TTC3: variants seen among roughly 807,000 people sequenced by gnomAD.
The protein encoded by TTC3 is tetratricopeptide repeat domain 3, also known as E3 ubiquitin-protein ligase TTC3.
In TTC3, 180 loss-of-function variants were observed where a neutral mutation model predicts 249.6. That is an observed-to-expected ratio of 0.72 (90% CI 0.64 to 0.82). The LOEUF (loss-of-function observed/expected upper bound fraction) is 0.82. Among genes scored for constraint, TTC3 ranks in the 40% least tolerant of loss-of-function variants. The pLI is 0.00. For missense variants in TTC3, 2,061 were observed against 2,398.4 expected, an observed-to-expected ratio of 0.86 and a Z score of 2.94; for synonymous variants, 717 against 805.0, an observed-to-expected ratio of 0.89 and a Z score of 1.85.
At chr21:37,108,270 TAATTAA>T in intron 10 of TTC3, 116 bp from the exon 11 acceptor site, 2 of 734,146 alleles carry the variant, frequency 2.7e-6, no homozygotes, top group Non-Finnish European at 4.1e-6. Flanking sequence ...GGATTTTTTT[TAATTAA>T]AATTATCTTT....
chr21:37,140,919 A>G (rs2078384465), intron 20 of TTC3, among the ~76,000 whole-genome samples: 1 of 152,258 alleles, frequency 6.6e-6, no homozygotes. Flanking sequence ...ATTTGACATT[A>G]AAGATTTAAT....
At chr21:37,161,688 A>G (rs146978613) in intron 30 of TTC3, among the ~76,000 whole-genome samples, 7 of 152,354 alleles carry the variant, frequency 4.6e-5, no homozygotes, top group African/African-American at 1.4e-4. Context: ...AGGAGTTCCA[A>G]TACAACTTTT....
At chr21:37,172,476 T>G in intron 34 of TTC3, 119 bp from the exon 35 acceptor site, 1 of 1,148,576 alleles carries the variant, frequency 8.7e-7, no homozygotes, top group Non-Finnish European at 1.2e-6. Context: ...GACATTTCCC[T>G]TGTAAATTTT....
exon 28 of TTC3, chr21:37,156,762 G>A (rs2080130773): frequency 6.2e-7 from 1 of 1,614,022 alleles, no homozygotes; most frequent in Non-Finnish European, 8.5e-7. Flanking sequence ...TCACAAACTA[G>A]ACTCTATAGA....
At chr21:37,088,647 G>C in intron 4 of TTC3, 152 bp from the exon 5 acceptor site, 1 of 738,778 alleles carries the variant, frequency 1.4e-6, no homozygotes, top group African/African-American at 1.8e-5. Flanking sequence ...ACAGTATTTT[G>C]TTCATTTAAT....
chr21:37,147,722 T>C, intron 22 of TTC3, 119 bp downstream of exon 22: 1 of 1,224,516 alleles, frequency 8.2e-7, no homozygotes, highest in East Asian at 2.8e-5. Flanking sequence ...CGTCCACCCC[T>C]TTCCCAGGAT....
intron 35 of TTC3, among the ~76,000 whole-genome samples, chr21:37,178,950 T>G (rs2082503745): frequency 6.6e-6 from 1 of 150,776 alleles, no homozygotes; most frequent in African/African-American, 2.4e-5. Flanking sequence ...AACAACAGAG[T>G]GAGACCCTGT....
intron 11 of TTC3, among the ~76,000 whole-genome samples, chr21:37,111,221 A>G (rs2075629639): frequency 2.0e-5 from 3 of 152,236 alleles, no homozygotes; most frequent in Admixed American, 1.3e-4. Context: ...CCTTAAATGT[A>G]AACGGGCTAA....
At chr21:37,184,713 C>T (rs1458953255) in intron 36 of TTC3, among the ~76,000 whole-genome samples, 2 of 150,720 alleles carry the variant, frequency 1.3e-5, no homozygotes, top group African/African-American at 4.9e-5. Context: ...AGATGATCCA[C>T]CCATCTCGGC....
At chr21:37,178,529 T>G (rs1463145936) in intron 35 of TTC3, among the ~76,000 whole-genome samples, 1 of 152,224 alleles carries the variant, frequency 6.6e-6, no homozygotes, top group African/African-American at 2.4e-5. Flanking sequence ...GGTTTTGATT[T>G]TTATTTCCCT....
chr21:37,088,667 A>G (rs1198821703), intron 4 of TTC3, 132 bp from the exon 5 acceptor site: 2 of 795,712 alleles, frequency 2.5e-6, no homozygotes, highest in African/African-American at 3.5e-5. Context: ...TAAATAGCTT[A>G]GTTATTGTTA....
chr21:37,192,305 G>A lies in TTC3; in HGVS notation c.5217+92G>A. 10 of 779,896 alleles carry A rather than the reference G, an allele frequency of 1.3e-5. No individual in the cohort carries two copies. The South Asian group carries it at 1.5e-4, about 12-fold the overall frequency. The allele number at this position is 779,896 out of a possible 1,614,324, so 48.3% of individuals were successfully genotyped here. On this transcript the variant is annotated intron_variant, in intron 41 of 45. Coordinates refer to ENST00000355666, the Ensembl canonical transcript of TTC3. ...ATTTGTTGTTGTTTCCTGGGAGTGA[G>A]GATGAGATTGGTTAATAATTGCCTT...
intron 8 of TTC3, among the ~76,000 whole-genome samples, chr21:37,094,359 A>G (rs1217715884): frequency 6.6e-6 from 1 of 152,210 alleles, no homozygotes; most frequent in Non-Finnish European, 1.5e-5. Flanking sequence ...TTCATGTGCT[A>G]CACTGTTCAT....
exon 33 of TTC3, chr21:37,166,306 A>G (rs2081251686): frequency 6.2e-7 from 1 of 1,614,128 alleles, no homozygotes; most frequent in Non-Finnish European, 8.5e-7. Flanking sequence ...TACCAAGATC[A>G]GTACCAGTGG....
At chr21:37,109,130 G>GTGA (rs1460234868) in intron 11 of TTC3, among the ~76,000 whole-genome samples, 2 of 152,174 alleles carry the variant, frequency 1.3e-5, no homozygotes, top group African/African-American at 4.8e-5. Flanking sequence ...AGCTCCCAGC[G>GTGA]TGAGCGACAC....
exon 14 of TTC3, chr21:37,124,716 G>T (rs930069107): frequency 3.1e-6 from 5 of 1,613,304 alleles, no homozygotes; most frequent in Non-Finnish European, 4.2e-6. Flanking sequence ...TCACGAAATG[G>T]CCAACGGTGG....
intron 10 of TTC3, chr21:37,098,108 A>G (rs990211601): frequency 1.6e-5 from 9 of 550,212 alleles, no homozygotes; most frequent in African/African-American, 1.2e-4. Context: ...TCTTCCATCA[A>G]TACCACTGTC....
At chr21:37,191,880 C>T (rs957476129) in intron 40 of TTC3, among the ~76,000 whole-genome samples, 20 of 152,304 alleles carry the variant, frequency 1.3e-4, no homozygotes, top group Middle Eastern at 3.4e-3. Context: ...TGAGCCACCG[C>T]GCCCAGCCGG....
intron 10 of TTC3, among the ~76,000 whole-genome samples, chr21:37,100,588 G>C (rs2074383522): frequency 6.6e-6 from 1 of 152,164 alleles, no homozygotes; most frequent in Non-Finnish European, 1.5e-5. Flanking sequence ...ACTTTTGGGT[G>C]AATATAAGTT....
Sources: gnomAD v4.1 joint callset for allele counts (sites outside exome capture counted in the v4.1 genomes callset) on GRCh38, gnomAD v4.1.1 for gene constraint, MANE v1.5 for transcripts, NCBI Gene and HGNC (gene_info 2026-07-23, HGNC 2026-07-21) for gene names.